Variants in RUFY3 observed in about 807,000 individuals in gnomAD.
RUFY3 encodes RUN and FYVE domain containing 3, also known as protein RUFY3.
A neutral mutation model predicts 84.0 loss-of-function variants in RUFY3; 34 were observed. That is an observed-to-expected ratio of 0.40 (90% CI 0.31 to 0.54). The LOEUF (loss-of-function observed/expected upper bound fraction) is 0.54. Among genes scored for constraint, RUFY3 ranks in the 20% least tolerant of loss-of-function variants. The probability of loss-of-function intolerance (pLI) is 0.39; values close to 1 mark genes in which losing one functional copy is unlikely to be tolerated. For missense variants in RUFY3, 507 were observed against 736.8 expected (o/e 0.69, Z 3.61); for synonymous variants, 242 against 252.9 (o/e 0.96, Z 0.41).
intron 1 of RUFY3, among the ~76,000 whole-genome samples, chr4:70,738,356 CTTTTTTTTTTTTTT>C (rs60916183): frequency 8.3e-5 from 5 of 60,542 alleles, no homozygotes; most frequent in Non-Finnish European, 8.4e-5. Flanking sequence ...GGTGTTTCAT[CTTTTTTTTTTTTTT>C]TTTTTTTTTT....
chr4:70,733,381 C>A (rs1446326719), intron 1 of RUFY3, among the ~76,000 whole-genome samples: 1 of 152,028 alleles, frequency 6.6e-6, no homozygotes, highest in African/African-American at 2.4e-5. Context: ...GACTTGGGGC[C>A]TCTGCTAGTG....
intron 12 of RUFY3, among the ~76,000 whole-genome samples, chr4:70,790,402 C>T (rs1730614471): frequency 6.6e-6 from 1 of 152,204 alleles, no homozygotes; most frequent in South Asian, 2.1e-4. Flanking sequence ...TTGAGCAAAA[C>T]TAAACTGCTG....
At chr4:70,728,478 G>T (rs10028517) in intron 1 of RUFY3, among the ~76,000 whole-genome samples, 14,069 of 152,240 alleles carry the variant, frequency 0.092, 1,388 homozygotes, top group African/African-American at 0.25. Context: ...TGAAATATCG[G>T]AAGTTGAACC....
intron 12 of RUFY3, 190 bp downstream of exon 12, chr4:70,789,782 G>A: frequency 3.3e-6 from 4 of 1,221,552 alleles, no homozygotes; most frequent in Admixed American, 4.3e-5. Context: ...TTTAGGAAAT[G>A]TCAATCACTT....
At chr4:70,778,545 T>C in intron 8 of RUFY3, 107 bp downstream of exon 8, 1 of 605,722 alleles carries the variant, frequency 1.7e-6, no homozygotes, top group South Asian at 2.0e-5. Flanking sequence ...TTTCAAATAA[T>C]ATTGACTGTA....
At chr4:70,718,571 G>A (rs567042219), upstream of RUFY3, among the ~76,000 whole-genome samples, 1 of 152,078 alleles carries the variant, frequency 6.6e-6, no homozygotes, top group Non-Finnish European at 1.5e-5. Flanking sequence ...TGAGAAAATA[G>A]TTCAATACAG....
chr4:70,732,991 C>T (rs1467495618), intron 1 of RUFY3, among the ~76,000 whole-genome samples: 1 of 151,380 alleles, frequency 6.6e-6, no homozygotes, highest in Non-Finnish European at 1.5e-5. Context: ...CACTTGAACT[C>T]GGGAGGCGGA....
intron 1 of RUFY3, among the ~76,000 whole-genome samples, chr4:70,736,893 G>A (rs576300934): frequency 2.5e-4 from 38 of 152,170 alleles, no homozygotes; most frequent in African/African-American, 9.1e-4. Flanking sequence ...TAATTTCTTT[G>A]ACTATTTCTT....
intron 1 of RUFY3, among the ~76,000 whole-genome samples, chr4:70,758,319 A>G (rs1430546721): frequency 6.6e-6 from 1 of 152,190 alleles, no homozygotes; most frequent in Non-Finnish European, 1.5e-5. Flanking sequence ...ATGATTTAAT[A>G]TTCATTATTA....
At chr4:70,770,758 C>T (rs1279078527) in intron 5 of RUFY3, among the ~76,000 whole-genome samples, 1 of 152,196 alleles carries the variant, frequency 6.6e-6, no homozygotes, top group East Asian at 1.9e-4. Flanking sequence ...GCTTTCACAA[C>T]CTGGCTGTTT....
chr4:70,710,512 A>C (rs1345117071), intron 1 of RUFY3, among the ~76,000 whole-genome samples: 1 of 151,652 alleles, frequency 6.6e-6, no homozygotes, highest in Non-Finnish European at 1.5e-5. Context: ...CTCTACTAAA[A>C]ATACAAAATT....
At chr4:70,791,910 G>GA (rs984049579) in intron 12 of RUFY3, 182 of 971,010 alleles carry the variant, frequency 1.9e-4, no homozygotes, top group South Asian at 5.7e-4. Context: ...GGTGACTTTT[G>GA]AAAAAAAAAG....
intron 1 of RUFY3, among the ~76,000 whole-genome samples, chr4:70,741,992 G>GTA (rs1284636470): frequency 3.3e-5 from 5 of 152,118 alleles, no homozygotes; most frequent in South Asian, 2.1e-4. Flanking sequence ...GCAAATACAT[G>GTA]TATATATATT....
intron 5 of RUFY3, among the ~76,000 whole-genome samples, chr4:70,772,133 A>G (rs964624253): frequency 4.0e-5 from 6 of 149,950 alleles, no homozygotes; most frequent in African/African-American, 7.3e-5. Flanking sequence ...ATATAAATAT[A>G]TATTTTATAT....
At chr4:70,705,334 G>T (rs942542617) in intron 1 of RUFY3, 3 of 1,306,798 alleles carry the variant, frequency 2.3e-6, no homozygotes, top group Non-Finnish European at 2.9e-6. Flanking sequence ...GCGGGGAAGG[G>T]AGCATTCGGC....
At chr4:70,705,359 C>T (rs1016651402) in intron 1 of RUFY3, 1 of 1,188,640 alleles carries the variant, frequency 8.4e-7, no homozygotes, top group Middle Eastern at 3.2e-4. Context: ...GAGGGCCGGC[C>T]CGGCCCCCGC....
intron 14 of RUFY3, among the ~76,000 whole-genome samples, chr4:70,798,887 A>G (rs1005509869): frequency 3.9e-5 from 6 of 152,078 alleles, no homozygotes; most frequent in Non-Finnish European, 7.4e-5. Context: ...GTGGTGGCTT[A>G]CGCCTGTAAT....
upstream of RUFY3, among the ~76,000 whole-genome samples, chr4:70,717,873 ATTTTTTTTT>A (rs1165078654): frequency 1.6e-4 from 13 of 82,380 alleles, no homozygotes; most frequent in South Asian, 3.4e-3. Flanking sequence ...TTGACATGGT[ATTTTTTTTT>A]TTTTTTTTTT....
intron 1 of RUFY3, among the ~76,000 whole-genome samples, chr4:70,747,149 T>C (rs1358384463): frequency 3.3e-5 from 5 of 152,182 alleles, no homozygotes; most frequent in African/African-American, 4.8e-5. Flanking sequence ...GAAAAAACTT[T>C]TCCCAAGGTC....
Sources: gnomAD v4.1 joint callset for allele counts (sites outside exome capture counted in the v4.1 genomes callset) on GRCh38, gnomAD v4.1.1 for gene constraint, MANE v1.5 for transcripts, NCBI Gene and HGNC (gene_info 2026-07-23, HGNC 2026-07-21) for gene names.